Variants in CELSR1 observed in about 807,000 individuals in gnomAD.
CELSR1 encodes the protein cadherin EGF LAG seven-pass G-type receptor 1.
Under a neutral mutation model 249.1 loss-of-function variants are expected in CELSR1, and 110 were observed. That is an observed-to-expected ratio of 0.44 (90% CI 0.38 to 0.52). The LOEUF (loss-of-function observed/expected upper bound fraction) is 0.52. CELSR1 is among the 20% of genes least tolerant of loss of function. The pLI is 0.00. For missense variants in CELSR1, 4,109 were observed against 4,296.4 expected, an observed-to-expected ratio of 0.96 and a Z score of 1.22; for synonymous variants, 2,113 against 1,900.0, an observed-to-expected ratio of 1.11 and a Z score of -2.92.
chr22:46,368,528 C>T (rs1442850777), intron 27 of CELSR1, among the ~76,000 whole-genome samples: 1 of 152,062 alleles, frequency 6.6e-6, no homozygotes, highest in Non-Finnish European at 1.5e-5. Flanking sequence ...TGACACCCAG[C>T]CCCTGCGCAA....
chr22:46,444,674 C>T (rs2079797220), intron 2 of CELSR1, among the ~76,000 whole-genome samples: 1 of 152,230 alleles, frequency 6.6e-6, no homozygotes, highest in Non-Finnish European at 1.5e-5. Context: ...GCTGCCGTAA[C>T]AGATGACCCC....
In CELSR1 at chr22:46,382,006, T is replaced by C. The variant is rs768886348; in HGVS notation, c.6928A>G (p.Thr2310Ala). The change falls in exon 21 of 35, where the codon ACC (threonine) becomes GCC (alanine). Residue 2310 changes from threonine (T) to alanine (A), a missense_variant. By Grantham distance (58) the Thr-to-Ala change is moderately conservative (BLOSUM62 0). Transcript: ENST00000674500. The stretch of plus-strand genomic sequence containing the variant: ...TCGGTGCCAGGCCCCGGGCGCGTGG[T>C]CTGCGGGGTGGTCCTCCGGCCAGCC... ...RPAGRRTTPQ[T>A]TRPGPGTERE... The C allele has an allele frequency of 3.8e-6, 6 of 1,561,624 alleles. No individual in the cohort carries two copies. Among genetic ancestry groups the C allele is most frequent in the Admixed American group, 1.9e-5 (1 of 53,890 alleles).
rs777733955 is a variant in CELSR1, at chr22:46,398,591, C to T, written c.5459G>A (p.Ser1820Asn). 35 of 1,613,810 alleles carry T rather than the reference C, an allele frequency of 2.2e-5. No individual in the cohort carries two copies. Among genetic ancestry groups the T allele is most frequent in the Non-Finnish European group, 2.7e-5 (32 of 1,179,960 alleles). The change falls in exon 11 of 35, where the codon AGC becomes AAC. Residue 1820 changes from serine (S) to asparagine (N), a missense_variant. Coordinates refer to ENST00000674500, the MANE Select transcript of CELSR1 (RefSeq NM_001378328.1). The surrounding 1 kb of genome is among the most constrained non-coding windows in gnomAD (Gnocchi z 7.2). ...TTCAGAGGCGCCTCCGACCACCACG[C>T]TCCTTACCGTCAGCCCGGGAAGCAT... ...GGMLPGLTVR[S>N]VVVGGASEDK...
At chr22:46,370,328 A>G (rs1054006615) in intron 25 of CELSR1, 4 of 349,662 alleles carry the variant, frequency 1.1e-5, no homozygotes, top group East Asian at 7.5e-5. Context: ...TACATACCCT[A>G]TACACATGCA....
Position 46,533,853 on chromosome 22 carries a change from G to A in CELSR1, c.3318C>T (p.Ile1106=), listed in dbSNP as rs2080818688. Residue 1106 remains isoleucine, a synonymous_variant, in exon 1 of 35, where the codon ATC becomes ATT. Coordinates refer to ENST00000674500, the MANE Select transcript of CELSR1 (RefSeq NM_001378328.1). ...TGTTGGTGACATAGTTGTTGAAGAG[G>A]ATCTGGAAGTCGGGCAGCACAGGCG... ...DNPPVLPDFQ[I]LFNNYVTNKS... is the part of the protein sequence containing the mutation. 2 of 1,613,816 alleles carry A rather than the reference G, an allele frequency of 1.2e-6. No homozygotes were observed. Among genetic ancestry groups the A allele is most frequent in the African/African-American group, 2.7e-5 (2 of 74,948 alleles).
chr22:46,456,220 T>A (rs1453483901), intron 2 of CELSR1, among the ~76,000 whole-genome samples: 2 of 152,252 alleles, frequency 1.3e-5, no homozygotes, highest in Non-Finnish European at 2.9e-5. Flanking sequence ...CGTGCAACCC[T>A]GCGCTAAGCA....
chr22:46,477,270 C>G (rs865972299), intron 1 of CELSR1, among the ~76,000 whole-genome samples: 36 of 152,182 alleles, frequency 2.4e-4, no homozygotes, highest in Admixed American at 3.9e-4. Context: ...CAGGCCCACC[C>G]GCCACAGTGA....
chr22:46,465,899 G>A (rs1052766732), intron 1 of CELSR1, among the ~76,000 whole-genome samples: 2 of 152,224 alleles, frequency 1.3e-5, no homozygotes, highest in African/African-American at 4.8e-5. Context: ...CCCCAGTAAC[G>A]ACACTCGGGT....
intron 5 of CELSR1, among the ~76,000 whole-genome samples, chr22:46,419,853 GCATT>G (rs2079445481): frequency 6.7e-6 from 1 of 150,092 alleles, no homozygotes; most frequent in Admixed American, 6.6e-5. Flanking sequence ...GTGCATACCC[GCATT>G]CACACCCACA....
rs974302810 is a variant in CELSR1 at position 46,423,670 on chromosome 22, T to C, written c.4611+9723A>G. 6.7e-6 allele frequency among the ~76,000 whole-genome samples: 1 copy of C among 149,342 alleles called. No homozygotes were observed. Among genetic ancestry groups the C allele is most frequent in the African/African-American group, 2.5e-5 (1 of 40,288 alleles). On this transcript the variant is annotated intron_variant, in intron 5 of 34. Transcript: ENST00000674500. The surrounding 1 kb of genome is among the most constrained non-coding windows in gnomAD (Gnocchi z 5.6). ...TTATGACCTTGAAAAAGCTATCCGA[T>C]GAGCACTATTAACAAGTATGGGCCG...
At chr22:46,397,277 C>CT (rs528088887) in intron 12 of CELSR1, among the ~76,000 whole-genome samples, 1,337 of 78,686 alleles carry the variant, frequency 0.017, 10 homozygotes, top group Non-Finnish European at 0.025. Flanking sequence ...CTAATTTTTG[C>CT]TTTTTTTTTT....
At chr22:46,438,500 C>T (rs561398743) in intron 3 of CELSR1, among the ~76,000 whole-genome samples, 1 of 152,346 alleles carries the variant, frequency 6.6e-6, no homozygotes, top group South Asian at 2.1e-4. Context: ...CCCTACAAAA[C>T]CCTCGGTGAT....
In CELSR1 at chr22:46,374,122, C is replaced by G. The variant is rs1375016613; in HGVS notation, c.7585-1065G>C. ...GGCTCAAGTTATGCCAGAGACAGGCCCTTTGCCTCAGACTGTGGCCTCGGT... is the reference window on the plus strand; with the variant it reads ...GGCTCAAGTTATGCCAGAGACAGGCGCTTTGCCTCAGACTGTGGCCTCGGT... On this transcript the variant is annotated intron_variant, in intron 24 of 34. Transcript: ENST00000674500. This position sits in a 1 kb window ranked among gnomAD's most constrained non-coding sequence, Gnocchi z 4.3. 6.6e-6 allele frequency among the ~76,000 whole-genome samples: 1 copy of G among 152,092 alleles called. No individual in the cohort carries two copies. Among genetic ancestry groups the G allele is most frequent in the African/African-American group, 2.4e-5 (1 of 41,354 alleles).
chr22:46,452,561 C>A (rs1169742682), intron 2 of CELSR1, among the ~76,000 whole-genome samples: 2 of 152,240 alleles, frequency 1.3e-5, no homozygotes, highest in African/African-American at 4.8e-5. Context: ...ACAGCCCCAG[C>A]ACCAACCTGG....
intron 1 of CELSR1, among the ~76,000 whole-genome samples, chr22:46,493,690 G>A (rs1376013871): frequency 6.6e-6 from 1 of 152,190 alleles, no homozygotes; most frequent in African/African-American, 2.4e-5. Flanking sequence ...TATGGGGGCA[G>A]GTCTTTTCTG....
chr22:46,375,896 A>C (rs1372074870), intron 24 of CELSR1, among the ~76,000 whole-genome samples: 2 of 152,056 alleles, frequency 1.3e-5, no homozygotes, highest in South Asian at 4.2e-4. Flanking sequence ...TTTCTATGAG[A>C]TCCTTCATGT....
intron 1 of CELSR1, among the ~76,000 whole-genome samples, chr22:46,515,008 A>G (rs922877252): frequency 3.9e-5 from 6 of 152,124 alleles, no homozygotes; most frequent in African/African-American, 1.2e-4. Context: ...CCTGGCAACC[A>G]GCCTAGTCCT....
Position 46,464,569 on chromosome 22 carries a change from C to T in CELSR1, c.3545-224G>A, listed in dbSNP as rs752056244. Among the ~76,000 whole-genome samples the T allele has an allele frequency of 3.3e-5, 5 of 152,088 alleles. No homozygotes were observed. Among genetic ancestry groups the T allele is most frequent in the Non-Finnish European group, 5.9e-5 (4 of 67,996 alleles). On this transcript the variant is annotated intron_variant, in intron 1 of 34. Transcript: ENST00000674500. The surrounding 1 kb of genome is among the most constrained non-coding windows in gnomAD (Gnocchi z 8.5). ...CACCTTGACCCTCCCTCCTCCGGCACCCTAACCCCTGCCCTGGCTTCCTAA... is the reference window on the plus strand; with the variant it reads ...CACCTTGACCCTCCCTCCTCCGGCATCCTAACCCCTGCCCTGGCTTCCTAA...
chr22:46,452,667 T>C (rs2079899747), intron 2 of CELSR1, among the ~76,000 whole-genome samples: 1 of 152,218 alleles, frequency 6.6e-6, no homozygotes, highest in African/African-American at 2.4e-5. Flanking sequence ...GCCAGGGACT[T>C]GGCTCTCTTT....
Sources: gnomAD v4.1 joint callset for allele counts (sites outside exome capture counted in the v4.1 genomes callset) on GRCh38, gnomAD v4.1.1 for gene constraint, Gnocchi (gnomAD v3.1) non-coding constraint, MANE v1.5 for transcripts, NCBI Gene and HGNC (gene_info 2026-07-23, HGNC 2026-07-21) for gene names.